The following RNF212 variants were observed in gnomAD, a reference collection of about 807,000 sequenced individuals.
RNF212 encodes the protein ring finger protein 212, also known as probable E3 SUMO-protein ligase RNF212.
RNF212 carries 33 observed loss-of-function variants against 34.7 expected under a neutral mutation model. That is an observed-to-expected ratio of 0.95 (90% CI 0.72 to 1.27). RNF212 has a LOEUF of 1.27. Ranked by LOEUF, RNF212 falls within the 50% of genes most tolerant of loss-of-function variation. RNF212 has a pLI of 0.00. For synonymous variants in RNF212, 140 were observed against 136.1 expected (o/e 1.03, Z -0.20); for missense variants, 377 against 362.2 (o/e 1.04, Z -0.33).
At chr4:1,100,202 G>GT (rs1304622906) in intron 2 of RNF212, 2 of 304,268 alleles carry the variant, frequency 6.6e-6, no homozygotes, top group African/African-American at 4.4e-5. Context: ...CTGCTTTCCC[G>GT]TGATACTTCT....
chr4:1,090,691 C>G (rs995942447), intron 4 of RNF212, 91 bp downstream of exon 4: 7 of 772,608 alleles, frequency 9.1e-6, no homozygotes, highest in Non-Finnish European at 1.6e-5. Flanking sequence ...TAGCAGCCAT[C>G]CCCTTTGAGA....
chr4:1,081,554 T>C lies in RNF212; in HGVS notation c.415+13A>G. On this transcript the variant is annotated intron_variant, in intron 6 of 9. Transcript: ENST00000433731. ...TCTCTATTTTGTTCTCTTTCTGGCA[T>C]GATTTTACTTACTTGAAACTGAACT... is the stretch of plus-strand genomic sequence containing the variant. 3.1e-6 allele frequency: 5 copies of C among 1,610,106 alleles called. No homozygotes were observed. The highest frequency in any genetic ancestry group is 4.3e-6 in the Non-Finnish European group (5 of 1,176,418).
chr4:1,108,487 C>A, intron 1 of RNF212, 83 bp from the exon 2 acceptor site: 1 of 665,088 alleles, frequency 1.5e-6, no homozygotes, highest in Non-Finnish European at 2.4e-6. Flanking sequence ...CAATGTTTCT[C>A]CAAGAAATAG....
intron 2 of RNF212, among the ~76,000 whole-genome samples, chr4:1,099,190 G>C (rs1303158461): frequency 6.6e-6 from 1 of 152,208 alleles, no homozygotes; most frequent in East Asian, 1.9e-4. Flanking sequence ...CCAGGTGCCG[G>C]AATTTTCAAA....
chr4:1,072,850 C>A lies in RNF212; in HGVS notation c.*24G>T, dbSNP rs1461629744. On this transcript the variant is annotated 3_prime_UTR_variant, in exon 10 of 10. Coordinates refer to ENST00000433731, the MANE Select transcript of RNF212 (RefSeq NM_001131034.4). ...GGAATAAATTGAAAACACTCAGAAT[C>A]ATTAATAGTCACATAAATGCAAATC... 2.6e-6 allele frequency: 4 copies of A among 1,552,386 alleles called. No individual in the cohort carries two copies. The highest frequency in any genetic ancestry group is 3.5e-6 in the Non-Finnish European group (4 of 1,146,194).
chr4:1,107,709 C>A (rs1725045337), intron 2 of RNF212, among the ~76,000 whole-genome samples: 1 of 152,186 alleles, frequency 6.6e-6, no homozygotes, highest in Non-Finnish European at 1.5e-5. Context: ...CTTGGCCTCC[C>A]AAAGTGCTGG....
In RNF212 at chr4:1,058,310, G is replaced by T. The variant is rs537700895; in HGVS notation, n.220+11C>A. 7.1e-4 allele frequency: 655 copies of T among 920,750 alleles called. 44 individuals carry two copies. The highest frequency in any genetic ancestry group is 7.8e-4 in the Non-Finnish European group (599 of 770,438). 57.0% of individuals were successfully genotyped at this position (920,750 alleles called of 1,614,324 possible). A position where few individuals can be genotyped will look rare whatever the true frequency, so the allele number is the denominator to read the frequency against. On this transcript the variant is annotated intron_variant and non_coding_transcript_variant, in intron 4 of 4. Transcript: ENST00000503206. ...AACGCAGTGAAGAAGGTGCTTGCGG[G>T]GGGGCACTACCTGAGAGGCTTTCCC... is the stretch of plus-strand genomic sequence containing the variant.
At chr4:1,113,305 C>A in intron 1 of RNF212, 51 bp downstream of exon 1, 1 of 839,070 alleles carries the variant, frequency 1.2e-6, no homozygotes, top group Non-Finnish European at 1.6e-6. Context: ...AGTTCCCTGA[C>A]CCCCTTGCCG....
chr4:1,081,729 G>T, intron 5 of RNF212, 110 bp from the exon 6 acceptor site: 1 of 786,972 alleles, frequency 1.3e-6, no homozygotes, highest in Non-Finnish European at 2.1e-6. Flanking sequence ...TGTTCTTACT[G>T]GGTTTGCAAA....
intron 1 of RNF212, among the ~76,000 whole-genome samples, chr4:1,111,045 G>A (rs572391428): frequency 6.6e-6 from 1 of 152,120 alleles, no homozygotes; most frequent in Non-Finnish European, 1.5e-5. Flanking sequence ...CACCACGAAG[G>A]CACACGCGTC....
At chr4:1,060,207 C>A (rs548297935) in intron 3 of RNF212, among the ~76,000 whole-genome samples, 2 of 151,906 alleles carry the variant, frequency 1.3e-5, no homozygotes, top group South Asian at 2.1e-4. Flanking sequence ...AAGAGGCCAA[C>A]AATTCACCCA....
downstream of RNF212, among the ~76,000 whole-genome samples, chr4:1,067,971 G>A (rs1414256646): frequency 6.6e-6 from 1 of 151,908 alleles, no homozygotes; most frequent in Non-Finnish European, 1.5e-5. Context: ...AACTAAAGAA[G>A]CTCTAATCAA....
chr4:1,082,021 C>T (rs1347310607), intron 5 of RNF212: 7 of 240,108 alleles, frequency 2.9e-5, no homozygotes, highest in Admixed American at 5.2e-5. Flanking sequence ...GAGGCAGGGG[C>T]GGGAGGATTG....
At chr4:1,085,673 G>A in intron 5 of RNF212, 2 of 580,656 alleles carry the variant, frequency 3.4e-6, no homozygotes, top group South Asian at 4.2e-5. Context: ...CCTGCCCCAA[G>A]GGGAAACCAT....
At chr4:1,099,148 C>T (rs896677105) in intron 2 of RNF212, among the ~76,000 whole-genome samples, 5 of 152,180 alleles carry the variant, frequency 3.3e-5, no homozygotes, top group Admixed American at 1.3e-4. Flanking sequence ...TCCTCCACCC[C>T]GGCACTCACA....
intron 4 of RNF212, chr4:1,058,290 A>AAGAAGGTGCTTGCGGGGGGTAGAACGCT (rs1560086786): frequency 1.6e-5 from 6 of 366,268 alleles, no homozygotes; most frequent in African/African-American, 7.1e-5. Flanking sequence ...GTTAGAACGC[A>AAGAAGGTGCTTGCGGGGGGTAGAACGCT]GTGAAGAAGG....
intron 3 of RNF212, among the ~76,000 whole-genome samples, chr4:1,063,102 G>A (rs1318978024): frequency 6.6e-6 from 1 of 152,190 alleles, no homozygotes. Flanking sequence ...ATTGGAAGAT[G>A]CAGTGTTAGT....
At chr4:1,057,361 G>A (rs749028600) in intron 4 of RNF212, among the ~76,000 whole-genome samples, 18 of 152,288 alleles carry the variant, frequency 1.2e-4, no homozygotes, top group Non-Finnish European at 2.2e-4. Context: ...CGAGACCACC[G>A]GACCTTTGAA....
At chr4:1,093,861 A>C (rs1722607342) in intron 3 of RNF212, 1 of 1,536,044 alleles carries the variant, frequency 6.5e-7, no homozygotes, top group Admixed American at 2.0e-5. Flanking sequence ...GACCGCCGGC[A>C]TCCTGGTCTG....
Sources: gnomAD v4.1 joint callset for allele counts (sites outside exome capture counted in the v4.1 genomes callset) on GRCh38, gnomAD v4.1.1 for gene constraint, MANE v1.5 for transcripts, NCBI Gene and HGNC (gene_info 2026-07-23, HGNC 2026-07-21) for gene names.